The following CTNNA2 variants were observed in gnomAD, a reference collection of about 807,000 sequenced individuals.
The protein encoded by CTNNA2 is catenin alpha 2, also known as catenin alpha-2.
A neutral mutation model predicts 101.0 loss-of-function variants in CTNNA2; 42 were observed. That is an observed-to-expected ratio of 0.42 (90% CI 0.32 to 0.54). The LOEUF (loss-of-function observed/expected upper bound fraction) is 0.54, where lower values mean the gene tolerates loss of function less well. CTNNA2 is among the 20% of genes least tolerant of loss of function. The pLI, the probability that CTNNA2 is intolerant of heterozygous loss-of-function variation, is 0.14. For synonymous variants in CTNNA2, 450 were observed against 456.4 expected (o/e 0.99, Z 0.18); for missense variants, 871 against 1,223.1 (o/e 0.71, Z 4.29).
chr2:80,200,868 G>GTT lies in CTNNA2; in HGVS notation c.1057-192333_1057-192332dup, dbSNP rs11390757. On this transcript the variant is annotated intron_variant, in intron 7 of 18. Transcript: ENST00000402739. ...TGTTTTTGCCAACCTGATAGCCTTGGTTTTTTTTTTTCCTGTACCTTCTCA... is the reference window on the plus strand; with the variant it reads ...TGTTTTTGCCAACCTGATAGCCTTGGTTTTTTTTTTTTTCCTGTACCTTCTCA... Among the ~76,000 whole-genome samples the GTT allele has an allele frequency of 1.0e-3, 154 of 147,596 alleles. 1 individual carries two copies. Among genetic ancestry groups the GTT allele is most frequent in the African/African-American group, 3.5e-3 (143 of 40,394 alleles).
At chr2:79,405,653 T>A (rs1251428452) in intron 4 of CTNNA2, among the ~76,000 whole-genome samples, 4 of 152,034 alleles carry the variant, frequency 2.6e-5, no homozygotes, top group Non-Finnish European at 5.9e-5. Context: ...CCATTTTTCA[T>A]TGACACAGAG....
Position 80,210,775 on chromosome 2 carries a change from G to C in CTNNA2, c.1057-182436G>C, listed in dbSNP as rs181406879. On this transcript the variant is annotated intron_variant, in intron 7 of 18. Coordinates refer to ENST00000402739, the MANE Select transcript of CTNNA2 (RefSeq NM_001282597.3). Reference sequence around the variant, plus strand: ...CAAATGGTATTTCTAGTTCTAGATCGTTGAGGAATCGCCACAGTGTCTTCC... The same window carrying C: ...CAAATGGTATTTCTAGTTCTAGATCCTTGAGGAATCGCCACAGTGTCTTCC... Among the ~76,000 whole-genome samples, 88 of 152,180 alleles carry C rather than the reference G, an allele frequency of 5.8e-4. 1 individual carries two copies. Among genetic ancestry groups the C allele is most frequent in the African/African-American group, 1.8e-3 (73 of 41,534 alleles).
intron 2 of CTNNA2, among the ~76,000 whole-genome samples, chr2:79,260,550 G>T (rs928513032): frequency 6.6e-6 from 1 of 152,150 alleles, no homozygotes; most frequent in African/African-American, 2.4e-5. Flanking sequence ...AGTCATCTAA[G>T]ATAATTCTAG....
intron 7 of CTNNA2, among the ~76,000 whole-genome samples, chr2:80,323,278 G>T (rs984219577): frequency 2.6e-5 from 4 of 152,212 alleles, no homozygotes; most frequent in Non-Finnish European, 5.9e-5. Flanking sequence ...GCTCCGAACA[G>T]GCCTGGGAAT....
intron 8 of CTNNA2, among the ~76,000 whole-genome samples, chr2:80,416,219 G>GA (rs962876385): frequency 2.7e-5 from 4 of 148,480 alleles, no homozygotes; most frequent in African/African-American, 4.9e-5. Context: ...CACCAATAAA[G>GA]AAAAAAAAAG....
chr2:79,824,308 C>T (rs1218694140), intron 3 of CTNNA2, among the ~76,000 whole-genome samples: 4 of 152,102 alleles, frequency 2.6e-5, no homozygotes, highest in Admixed American at 2.0e-4. Context: ...TTGTGGTTAT[C>T]ATGCCTGAAG....
intron 3 of CTNNA2, among the ~76,000 whole-genome samples, chr2:79,314,626 T>A (rs1247331955): frequency 6.6e-6 from 1 of 152,210 alleles, no homozygotes; most frequent in African/African-American, 2.4e-5. Flanking sequence ...AAAGTCTTGT[T>A]TTGGTCTACA....
At chr2:80,057,755 A>C (rs1697321656) in intron 7 of CTNNA2, among the ~76,000 whole-genome samples, 2 of 152,164 alleles carry the variant, frequency 1.3e-5, no homozygotes, top group South Asian at 4.1e-4. Context: ...ACTGGACTTG[A>C]ACTCCTGAGA....
chr2:80,249,234 C>T (rs1671569392), intron 7 of CTNNA2, among the ~76,000 whole-genome samples: 1 of 152,176 alleles, frequency 6.6e-6, no homozygotes, highest in African/African-American at 2.4e-5. Flanking sequence ...TTCCTCTGAC[C>T]ATTATGATAG....
intron 1 of CTNNA2, among the ~76,000 whole-genome samples, chr2:79,623,385 A>G (rs1679111576): frequency 6.6e-6 from 1 of 152,186 alleles, no homozygotes; most frequent in Non-Finnish European, 1.5e-5. Flanking sequence ...AATTTTAACC[A>G]GTCACTTTGG....
chr2:80,061,019 C>T (rs938133897), intron 7 of CTNNA2, among the ~76,000 whole-genome samples: 1 of 152,120 alleles, frequency 6.6e-6, no homozygotes, highest in Non-Finnish European at 1.5e-5. Flanking sequence ...TTCAACTGCA[C>T]CACATCCTAA....
chr2:80,563,351 G>C (rs943762248), intron 12 of CTNNA2, among the ~76,000 whole-genome samples: 8 of 152,196 alleles, frequency 5.3e-5, no homozygotes, highest in Non-Finnish European at 1.2e-4. Context: ...TGAATCAGAG[G>C]AAGAATATGC....
At chr2:79,805,328 C>T (rs753666354) in intron 3 of CTNNA2, among the ~76,000 whole-genome samples, 20 of 152,120 alleles carry the variant, frequency 1.3e-4, no homozygotes, top group Non-Finnish European at 2.1e-4. Flanking sequence ...GAAATGTCTT[C>T]GTTTCATCTG....
chr2:80,494,673 C>A (rs1687308448), intron 9 of CTNNA2, among the ~76,000 whole-genome samples: 2 of 150,674 alleles, frequency 1.3e-5, no homozygotes, highest in African/African-American at 4.9e-5. Flanking sequence ...TACAGAAAAG[C>A]TAGACGAAGG....
chr2:80,430,502 C>A (rs1053801182), intron 9 of CTNNA2, among the ~76,000 whole-genome samples: 1 of 152,150 alleles, frequency 6.6e-6, no homozygotes, highest in Non-Finnish European at 1.5e-5. Flanking sequence ...GTTCTTTCTC[C>A]TGTTCCATAT....
chr2:79,210,924 G>C (rs867041972), intron 2 of CTNNA2, among the ~76,000 whole-genome samples: 1 of 152,034 alleles, frequency 6.6e-6, no homozygotes, highest in African/African-American at 2.4e-5. Context: ...TCTCCCGCCT[G>C]GGGGAGGAAA....
chr2:79,241,569 G>T (rs188396123), intron 2 of CTNNA2, among the ~76,000 whole-genome samples: 1 of 152,146 alleles, frequency 6.6e-6, no homozygotes, highest in Non-Finnish European at 1.5e-5. Context: ...TAATTAATGG[G>T]TTGTCATATG....
rs1313541080 is a variant in CTNNA2 at position 80,245,068 on chromosome 2, G to A, written c.1057-148143G>A. ...TTTCCACGCTGCTGAACCTTGCAAA[G>A]TGTTCACAGTCGAGTTCCCCTTTTT... On this transcript the variant is annotated intron_variant, in intron 7 of 18. Transcript: ENST00000402739. Among the ~76,000 whole-genome samples, 4 of 152,184 alleles carry A rather than the reference G, an allele frequency of 2.6e-5. 1 individual carries two copies. The East Asian group carries it at 7.7e-4, about 29-fold the overall frequency.
At chr2:80,102,177 A>G (rs1429577784) in intron 7 of CTNNA2, among the ~76,000 whole-genome samples, 1 of 152,082 alleles carries the variant, frequency 6.6e-6, no homozygotes, top group Non-Finnish European at 1.5e-5. Flanking sequence ...GAAGGCATCC[A>G]CTCAGTATTA....
Sources: gnomAD v4.1 joint callset for allele counts (sites outside exome capture counted in the v4.1 genomes callset) on GRCh38, gnomAD v4.1.1 for gene constraint, MANE v1.5 for transcripts, NCBI Gene and HGNC (gene_info 2026-07-23, HGNC 2026-07-21) for gene names.